HPSE2: variants seen among roughly 807,000 people sequenced by gnomAD.
HPSE2 encodes the protein inactive heparanase-2.
HPSE2 carries 38 observed loss-of-function variants against 60.5 expected under a neutral mutation model. The observed-to-expected ratio is 0.63, with a 90% CI of 0.48 to 0.82. HPSE2 has a LOEUF of 0.82. HPSE2 is among the 40% of genes least tolerant of loss of function. The pLI, the probability that HPSE2 is intolerant of heterozygous loss-of-function variation, is 0.00. For synonymous variants in HPSE2, 295 were observed against 293.2 expected, an observed-to-expected ratio of 1.01 and a Z score of -0.06; for missense variants, 713 against 740.4, an observed-to-expected ratio of 0.96 and a Z score of 0.43.
chr10:98,930,210 C>A lies in HPSE2; in HGVS notation c.611-186154G>T, dbSNP rs1033911619. Among the ~76,000 whole-genome samples the A allele has an allele frequency of 1.0e-4, 15 of 143,810 alleles. 3 individuals carry two copies. The highest frequency in any genetic ancestry group is 4.2e-4 in the African/African-American group (15 of 35,314). 94.3% of individuals were successfully genotyped at this position (143,810 alleles called of 152,430 possible). On this transcript the variant is annotated intron_variant, in intron 3 of 11. Transcript: ENST00000370552. ...TCCATGTGTTCTCATTGTTCAGTTC[C>A]CACTTATAAGTGAGAACATGCAGTG...
At chr10:98,979,203 G>A (rs371807035) in intron 3 of HPSE2, among the ~76,000 whole-genome samples, 20 of 152,236 alleles carry the variant, frequency 1.3e-4, no homozygotes, top group African/African-American at 3.6e-4. Flanking sequence ...CCTTCCTTCA[G>A]GCACGAGCTA....
intron 3 of HPSE2, among the ~76,000 whole-genome samples, chr10:98,929,524 T>C (rs946518896): frequency 6.9e-6 from 1 of 143,970 alleles, no homozygotes; most frequent in Non-Finnish European, 1.5e-5. Context: ...AAGCCCAGTT[T>C]TGTAAAGAAG....
chr10:99,307,170 C>T, the HPSE2 span, among the ~76,000 whole-genome samples: 4 of 152,154 alleles, frequency 2.6e-5, no homozygotes, highest in Non-Finnish European at 5.9e-5. Flanking sequence ...TTTACTGACT[C>T]CTGTTTGAAA....
chr10:99,275,903 G>T, the HPSE2 span, among the ~76,000 whole-genome samples: 5 of 152,298 alleles, frequency 3.3e-5, no homozygotes, highest in Middle Eastern at 3.4e-3. Context: ...ATGAAGGGGT[G>T]GGTGTGGGTG....
At chr10:98,755,943 C>G (rs1312423014) in intron 3 of HPSE2, among the ~76,000 whole-genome samples, 1 of 152,102 alleles carries the variant, frequency 6.6e-6, no homozygotes, top group Non-Finnish European at 1.5e-5. Flanking sequence ...TTGCAGTGAG[C>G]CGAGATGGTG....
intron 4 of HPSE2, among the ~76,000 whole-genome samples, chr10:98,742,293 A>C (rs923212304): frequency 6.6e-6 from 1 of 152,216 alleles, no homozygotes; most frequent in African/African-American, 2.4e-5. Context: ...CGTTCCAGTT[A>C]GTGGCTACTG....
At chr10:98,504,363 T>C (rs897255149) in intron 9 of HPSE2, among the ~76,000 whole-genome samples, 1 of 152,206 alleles carries the variant, frequency 6.6e-6, no homozygotes, top group East Asian at 1.9e-4. Context: ...GCTCACCTTA[T>C]TGTCTGACTC....
Position 98,502,112 on chromosome 10 carries a change from A to C in HPSE2, c.1321-11916T>G, listed in dbSNP as rs530293117. Among the ~76,000 whole-genome samples the C allele has an allele frequency of 8.5e-5, 13 of 152,302 alleles. No individual in the cohort carries two copies. In the South Asian group the frequency reaches 2.7e-3, roughly 32 times the overall value. The stretch of plus-strand genomic sequence containing the variant: ...GGGTAGAGTCAATATTGTGAAAATG[A>C]CCATACTTCCAAAAGCAATCTATAA... On this transcript the variant is annotated intron_variant, in intron 9 of 11. Coordinates refer to ENST00000370552, the MANE Select transcript of HPSE2 (RefSeq NM_021828.5).
In HPSE2 at chr10:99,207,039, T is replaced by TC. The variant is rs1438176126; in HGVS notation, c.448+25308dup. On this transcript the variant is annotated intron_variant, in intron 2 of 11. Coordinates refer to ENST00000370552, the MANE Select transcript of HPSE2 (RefSeq NM_021828.5). ...CCAAATCTAGAGAAAGATATAAATA[T>TC]CCAGGCACAGGAAAGTCAAAGATCT... Among the ~76,000 whole-genome samples the TC allele has an allele frequency of 2.0e-5, 3 of 152,186 alleles. No individual in the cohort carries two copies. The South Asian group carries it at 6.2e-4, about 32-fold the overall frequency.
At chr10:99,308,379 CAAAA>C in the HPSE2 span, among the ~76,000 whole-genome samples, 10 of 28,138 alleles carry the variant, frequency 3.6e-4, 1 homozygote, top group East Asian at 1.7e-3. Context: ...GACTCTGTCT[CAAAA>C]AAAAAAAAAA....
At chr10:98,771,183 T>C (rs1233015391) in intron 3 of HPSE2, among the ~76,000 whole-genome samples, 1 of 152,044 alleles carries the variant, frequency 6.6e-6, no homozygotes, top group Admixed American at 6.6e-5. Context: ...TATCCTGTGG[T>C]GGAAAAACAG....
chr10:99,027,027 T>C (rs2135440190), intron 3 of HPSE2, among the ~76,000 whole-genome samples: 1 of 151,558 alleles, frequency 6.6e-6, no homozygotes, highest in Middle Eastern at 3.4e-3. Flanking sequence ...GAAAAAAACT[T>C]CAAATGAAAA....
At chr10:98,478,387 T>C (rs1941105789) in intron 11 of HPSE2, among the ~76,000 whole-genome samples, 1 of 150,512 alleles carries the variant, frequency 6.6e-6, no homozygotes, top group African/African-American at 2.5e-5. Context: ...GCTCCAAAAG[T>C]GAAGAGGAAA....
chr10:98,612,395 A>T (rs1945786483), intron 9 of HPSE2, among the ~76,000 whole-genome samples: 2 of 152,238 alleles, frequency 1.3e-5, no homozygotes, highest in South Asian at 2.1e-4. Flanking sequence ...AAATTAGTAT[A>T]AATAGTCATA....
rs760929198 is a variant in HPSE2 at position 99,195,375 on chromosome 10, G to GA, written c.448+36972dup. 6.0e-5 allele frequency among the ~76,000 whole-genome samples: 9 copies of GA among 149,942 alleles called. No individual in the cohort carries two copies. In the East Asian group the frequency reaches 1.8e-3, roughly 30 times the overall value. ...GAAGTTCTAGATATAGCAATAAGAC[G>GA]AGAAAAAAACAAAGGGCCTCAAAAT... On this transcript the variant is annotated intron_variant, in intron 2 of 11. Coordinates refer to ENST00000370552, the MANE Select transcript of HPSE2 (RefSeq NM_021828.5).
intron 5 of HPSE2, among the ~76,000 whole-genome samples, chr10:98,712,722 GCT>G (rs1322932468): frequency 6.6e-6 from 1 of 152,020 alleles, no homozygotes; most frequent in Non-Finnish European, 1.5e-5. Flanking sequence ...GCTTCCCATA[GCT>G]CTCTGAGCCA....
At chr10:98,690,465 G>T (rs917902805) in intron 6 of HPSE2, among the ~76,000 whole-genome samples, 1 of 152,176 alleles carries the variant, frequency 6.6e-6, no homozygotes, top group South Asian at 2.1e-4. Flanking sequence ...GGCATGAACT[G>T]GGAGGTGGAG....
chr10:98,862,701 A>G (rs1312241337), intron 3 of HPSE2, among the ~76,000 whole-genome samples: 1 of 152,206 alleles, frequency 6.6e-6, no homozygotes, highest in East Asian at 1.9e-4. Context: ...AGTAGGCAAG[A>G]GACAACTATT....
rs1955639037 is a variant in HPSE2, at chr10:98,960,710, T to TA, written c.610+183527_610+183528insT. Among the ~76,000 whole-genome samples the TA allele has an allele frequency of 7.2e-5, 4 of 55,198 alleles. 1 individual carries two copies. Among genetic ancestry groups the TA allele is most frequent in the East Asian group, 5.4e-4 (1 of 1,852 alleles). 36.2% of individuals were successfully genotyped at this position (55,198 alleles called of 152,430 possible). Reference sequence around the variant, plus strand: ...TTAACTATGTACATTTCTTTTTTTTTTTTTTTTTTTGTTTTATTTTTTTTA... The same window carrying TA: ...TTAACTATGTACATTTCTTTTTTTTTATTTTTTTTTTGTTTTATTTTTTTTA... On this transcript the variant is annotated intron_variant, in intron 3 of 11. Transcript: ENST00000370552.
Sources: gnomAD v4.1 joint callset for allele counts (sites outside exome capture counted in the v4.1 genomes callset) on GRCh38, gnomAD v4.1.1 for gene constraint, MANE v1.5 for transcripts, NCBI Gene and HGNC (gene_info 2026-07-23, HGNC 2026-07-21) for gene names.